CCDC171: variants seen among roughly 807,000 people sequenced by gnomAD.
The protein encoded by CCDC171 is coiled-coil domain containing 171.
A neutral mutation model predicts 168.2 loss-of-function variants in CCDC171; 177 were observed. That is an observed-to-expected ratio of 1.05 (90% CI 0.93 to 1.19). CCDC171 has a LOEUF of 1.19. Ranked by LOEUF, CCDC171 falls within the 50% of genes most tolerant of loss-of-function variation. The pLI, the probability that CCDC171 is intolerant of heterozygous loss-of-function variation, is 0.00. For missense variants in CCDC171, 1,991 were observed against 1,539.0 expected (o/e 1.29, Z -4.91); for synonymous variants, 687 against 540.8 (o/e 1.27, Z -3.75).
chr9:15,678,161 A>G (rs931783720), intron 9 of CCDC171, among the ~76,000 whole-genome samples: 1 of 151,408 alleles, frequency 6.6e-6, no homozygotes, highest in African/African-American at 2.4e-5. Context: ...TCTTCCTGCT[A>G]TGGACTGCCA....
chr9:15,629,057 T>C (rs2045441496), intron 7 of CCDC171, among the ~76,000 whole-genome samples: 1 of 151,700 alleles, frequency 6.6e-6, no homozygotes, highest in Non-Finnish European at 1.5e-5. Context: ...AGACCAAAAG[T>C]AGATAAAACC....
chr9:15,631,693 G>C lies in CCDC171; in HGVS notation c.822+8280G>C, dbSNP rs200853769. Among the ~76,000 whole-genome samples the C allele has an allele frequency of 4.5e-4, 68 of 152,144 alleles. 1 individual carries two copies. The highest frequency in any genetic ancestry group is 1.4e-3 in the African/African-American group (58 of 41,508). The stretch of plus-strand genomic sequence containing the variant: ...TATGAGGCCAGCATCATTCTGATAC[G>C]AAAGCCGGGCAGAGACACAACCAAA... On this transcript the variant is annotated intron_variant, in intron 7 of 25. Coordinates refer to ENST00000380701, the MANE Select transcript of CCDC171 (RefSeq NM_173550.4).
intron 7 of CCDC171, among the ~76,000 whole-genome samples, chr9:15,653,230 C>G (rs944618633): frequency 6.6e-6 from 1 of 152,148 alleles, no homozygotes; most frequent in African/African-American, 2.4e-5. Context: ...GCCTTGATTT[C>G]CTGGGCTCAA....
intron 11 of CCDC171, among the ~76,000 whole-genome samples, chr9:15,718,064 T>C (rs1236569486): frequency 6.6e-6 from 1 of 151,690 alleles, no homozygotes; most frequent in Non-Finnish European, 1.5e-5. Context: ...GGCTCTTCGA[T>C]GGCATTTCTG....
chr9:16,018,601 C>G (rs1366065213), intron 3 of CCDC171, among the ~76,000 whole-genome samples: 1 of 152,154 alleles, frequency 6.6e-6, no homozygotes, highest in Non-Finnish European at 1.5e-5. Flanking sequence ...TTCGTTACCC[C>G]TCACTCACCT....
chr9:15,667,477 C>T lies in CCDC171; in HGVS notation c.1076+1154C>T, dbSNP rs1231306851. 5.3e-5 allele frequency among the ~76,000 whole-genome samples: 8 copies of T among 152,092 alleles called. No individual in the cohort carries two copies. In the East Asian group the frequency reaches 1.2e-3, roughly 22 times the overall value. On this transcript the variant is annotated intron_variant, in intron 9 of 25. Transcript: ENST00000380701. ...CCTGGCTAACATGGTGAAACCCTGT[C>T]TCTACTAAAAATAAAAAAATTAGCC... is the stretch of plus-strand genomic sequence containing the variant.
chr9:16,009,290 A>G (rs544764253), intron 3 of CCDC171, among the ~76,000 whole-genome samples: 10 of 152,294 alleles, frequency 6.6e-5, no homozygotes, highest in South Asian at 2.1e-4. Context: ...TCCGCTTGAA[A>G]TAACAGATAC....
At position 15,623,464 on chromosome 9, in the gene CCDC171, T is replaced by TGCGCGCGCGCGCGC. The variant is rs563722301; in HGVS notation, c.822+63_822+64insGCGCGCGCGCGCGC. The TGCGCGCGCGCGCGC allele has an allele frequency of 4.7e-5, 36 of 767,346 alleles. 1 individual carries two copies. Among genetic ancestry groups the TGCGCGCGCGCGCGC allele is most frequent in the South Asian group, 1.8e-4 (10 of 56,416 alleles). The allele number at this position is 767,346 out of a possible 1,614,324, so 47.5% of individuals were successfully genotyped here. A position where few individuals can be genotyped will look rare whatever the true frequency, so the allele number is the denominator to read the frequency against. On this transcript the variant is annotated intron_variant, in intron 7 of 25. Transcript: ENST00000380701. The stretch of plus-strand genomic sequence containing the variant: ...ATATATGCGTACAAACTTTCACATA[T>TGCGCGCGCGCGCGC]GCGCGCGCGCGCACACACACACACA...
At chr9:15,725,038 C>T in intron 14 of CCDC171, 62 bp downstream of exon 14, 1 of 1,185,758 alleles carries the variant, frequency 8.4e-7, no homozygotes, top group Non-Finnish European at 1.2e-6. Context: ...TGTTATACAT[C>T]AAGTGACTAT....
rs1161714978 is a variant in CCDC171, at chr9:16,018,030, A to G, written n.369-2559A>G. ...ATTTCTGCATTCCAAATTAAATAAC[A>G]TCCAGAATCATAGCTGCAAGGGAGT... On this transcript the variant is annotated intron_variant and non_coding_transcript_variant, in intron 3 of 9. Transcript: ENST00000486641. 4.6e-5 allele frequency among the ~76,000 whole-genome samples: 7 copies of G among 152,316 alleles called. No individual in the cohort carries two copies. In the East Asian group the frequency reaches 1.2e-3, roughly 25 times the overall value.
At chr9:15,746,714 A>T (rs2055310552) in intron 18 of CCDC171, among the ~76,000 whole-genome samples, 2 of 152,160 alleles carry the variant, frequency 1.3e-5, no homozygotes, top group South Asian at 4.1e-4. Flanking sequence ...CTACATTTCC[A>T]ACTGAGGTAC....
chr9:16,074,483 T>C, the CCDC171 span, among the ~76,000 whole-genome samples: 4 of 152,206 alleles, frequency 2.6e-5, no homozygotes, highest in South Asian at 4.1e-4. Context: ...CCTGTGCCAC[T>C]GAGTACTAGA....
intron 21 of CCDC171, among the ~76,000 whole-genome samples, chr9:15,823,088 A>G (rs1305751749): frequency 6.6e-6 from 1 of 152,134 alleles, no homozygotes; most frequent in Non-Finnish European, 1.5e-5. Context: ...CGCAAGGAGA[A>G]AAAACCAAAC....
intron 25 of CCDC171, among the ~76,000 whole-genome samples, chr9:15,949,467 T>C (rs910960311): frequency 4.6e-5 from 7 of 152,216 alleles, no homozygotes; most frequent in Non-Finnish European, 7.4e-5. Flanking sequence ...TGGAATGTTC[T>C]TCCATTTGCT....
At chr9:15,566,355 C>G (rs910756556) in intron 2 of CCDC171, among the ~76,000 whole-genome samples, 5 of 151,870 alleles carry the variant, frequency 3.3e-5, no homozygotes, top group Admixed American at 2.6e-4. Context: ...CCCAGGAGTT[C>G]GAGACCAGCC....
In CCDC171 at chr9:15,624,503, C is replaced by T. The variant is rs191159887; in HGVS notation, c.822+1090C>T. On this transcript the variant is annotated intron_variant, in intron 7 of 25. Transcript: ENST00000380701. ...ACAGGCCCCGGTGTGTGATGTTCCC[C>T]ATCCTGTGTCCAAGTGTTCTCATTG... 7.9e-5 allele frequency among the ~76,000 whole-genome samples: 12 copies of T among 152,162 alleles called. No individual in the cohort carries two copies. The East Asian group carries it at 2.3e-3, about 29-fold the overall frequency.
At chr9:15,770,576 G>C (rs890114262) in intron 18 of CCDC171, among the ~76,000 whole-genome samples, 1 of 152,048 alleles carries the variant, frequency 6.6e-6, no homozygotes, top group East Asian at 1.9e-4. Context: ...ATTCTTATTT[G>C]GGGGCATTTG....
chr9:15,955,615 C>G (rs1315708516), intron 25 of CCDC171, among the ~76,000 whole-genome samples: 2 of 152,052 alleles, frequency 1.3e-5, no homozygotes, highest in Non-Finnish European at 2.9e-5. Flanking sequence ...ATTTACTGTC[C>G]AAGCCTTCCC....
intron 3 of CCDC171, among the ~76,000 whole-genome samples, chr9:15,992,804 A>G (rs1275054156): frequency 6.6e-6 from 1 of 152,204 alleles, no homozygotes; most frequent in Non-Finnish European, 1.5e-5. Flanking sequence ...CCAATAACGG[A>G]CAAACAGAGA....
Sources: allele counts gnomAD v4.1 joint callset (sites outside exome capture counted in the v4.1 genomes callset), GRCh38; gene constraint gnomAD v4.1.1; transcripts MANE v1.5; gene names NCBI Gene and HGNC (gene_info 2026-07-23, HGNC 2026-07-21).